Variants in XKR6 observed in about 807,000 individuals in gnomAD.
XKR6 encodes the protein XK-related protein 6.
In XKR6, 22 loss-of-function variants were observed where a neutral mutation model predicts 56.7. That is an observed-to-expected ratio of 0.39 (90% confidence interval 0.28 to 0.55). The LOEUF (loss-of-function observed/expected upper bound fraction) is 0.55, where lower values mean the gene tolerates loss of function less well. Ranked by LOEUF, XKR6 falls within the 20% of genes least tolerant of loss-of-function variation. The pLI is 0.66. For missense variants in XKR6, 852 were observed against 889.0 expected, an observed-to-expected ratio of 0.96 and a Z score of 0.53; for synonymous variants, 524 against 387.8, an observed-to-expected ratio of 1.35 and a Z score of -4.13.
intron 1 of XKR6, among the ~76,000 whole-genome samples, chr8:10,965,324 G>A (rs182176284): frequency 2.0e-5 from 3 of 152,304 alleles, no homozygotes; most frequent in Admixed American, 1.3e-4. Flanking sequence ...ACAGAGATGC[G>A]GGAGCAACGG....
In XKR6 at chr8:11,110,761, G is replaced by A. The variant is rs183976484; in HGVS notation, c.764+89815C>T. ...CAAATTCTCATTCATTCCAATGGTC[G>A]AGAACACATTAGTCTACATTCTGAA... On this transcript the variant is annotated intron_variant, in intron 1 of 2. Transcript: ENST00000416569. 3.2e-3 allele frequency among the ~76,000 whole-genome samples: 483 copies of A among 152,122 alleles called. 5 individuals are homozygous for A. The highest frequency in any genetic ancestry group is 0.011 in the African/African-American group (469 of 41,522).
chr8:11,146,357 G>A (rs1296454964), intron 1 of XKR6, among the ~76,000 whole-genome samples: 1 of 152,156 alleles, frequency 6.6e-6, no homozygotes, highest in Non-Finnish European at 1.5e-5. Context: ...TAAGTGTGGT[G>A]GCTCATGCCT....
intron 1 of XKR6, among the ~76,000 whole-genome samples, chr8:11,152,125 C>G (rs890570115): frequency 6.6e-6 from 1 of 152,108 alleles, no homozygotes; most frequent in Admixed American, 6.5e-5. Context: ...AAATAAGAAT[C>G]TTAAGAAAAT....
intron 1 of XKR6, chr8:11,195,135 G>C: frequency 1.4e-6 from 1 of 703,230 alleles, no homozygotes; most frequent in South Asian, 1.5e-5. Flanking sequence ...GATGGGAGGA[G>C]GGAGAAGGGA....
chr8:10,979,523 GA>G (rs1442508409), intron 1 of XKR6, among the ~76,000 whole-genome samples: 1 of 152,086 alleles, frequency 6.6e-6, no homozygotes, highest in Admixed American at 6.5e-5. Flanking sequence ...TGGTCCTTTA[GA>G]AAGACCCCCG....
At chr8:11,156,888 G>C (rs868176049) in intron 1 of XKR6, among the ~76,000 whole-genome samples, 2 of 152,006 alleles carry the variant, frequency 1.3e-5, no homozygotes, top group African/African-American at 4.8e-5. Flanking sequence ...GCTACACTTA[G>C]GAACTTGCTT....
At chr8:11,080,292 C>A (rs185856744) in intron 1 of XKR6, among the ~76,000 whole-genome samples, 3 of 152,110 alleles carry the variant, frequency 2.0e-5, no homozygotes, top group African/African-American at 7.2e-5. Flanking sequence ...TCTTCTCACA[C>A]AATTTGTCCA....
At chr8:11,074,114 G>C (rs560565663) in intron 1 of XKR6, among the ~76,000 whole-genome samples, 4 of 152,266 alleles carry the variant, frequency 2.6e-5, no homozygotes, top group Non-Finnish European at 5.9e-5. Flanking sequence ...GATCTTCAAA[G>C]ACGCAGCTTT....
At position 10,898,020 on chromosome 8, in the gene XKR6, C is replaced by T. The variant is rs578022670; in HGVS notation, c.1858G>A (p.Ala620Thr). 34 of 1,613,650 alleles carry T rather than the reference C, an allele frequency of 2.1e-5. No individual in the cohort carries two copies. Among genetic ancestry groups the T allele is most frequent in the Middle Eastern group, 3.3e-4 (2 of 6,060 alleles). The change falls in exon 3 of 3, where the codon GCA (alanine) becomes ACA (threonine). Residue 620 changes from alanine (A) to threonine (T), a missense_variant. Ala to Thr is a moderately conservative substitution (Grantham distance 58). This residue lies in a region of XKR6 where 39 missense variants were observed against 62.5 expected (regional missense o/e 0.62). Transcript: ENST00000416569. The surrounding 1 kb of genome is among the most constrained non-coding windows in gnomAD (Gnocchi z 6.6). The part of the protein sequence containing the change: ...INILQYVTPT[A>T]VGIRYRDGPL... ...CCGTCTCGATATCGAATGCCTACTG[C>T]GGTGGGGGTGACATATTGTAGAATG... is the stretch of plus-strand genomic sequence containing the variant.
chr8:11,062,746 A>T, intron 1 of XKR6: 1 of 456,296 alleles, frequency 2.2e-6, no homozygotes, highest in Non-Finnish European at 4.4e-6. Flanking sequence ...TGACATAAAC[A>T]GCTACGTACT....
At chr8:10,964,766 C>G (rs565648884) in intron 1 of XKR6, among the ~76,000 whole-genome samples, 2 of 152,338 alleles carry the variant, frequency 1.3e-5, no homozygotes, top group East Asian at 3.9e-4. Context: ...GCAGCTGCAG[C>G]TGGGCCCACT....
intron 1 of XKR6, among the ~76,000 whole-genome samples, chr8:11,016,422 G>A (rs1415452908): frequency 6.6e-6 from 1 of 152,172 alleles, no homozygotes; most frequent in East Asian, 1.9e-4. Flanking sequence ...CGGACGCAGC[G>A]GGAGTAGCGC....
At chr8:11,043,165 T>C (rs112462031) in intron 1 of XKR6, among the ~76,000 whole-genome samples, 1,620 of 152,134 alleles carry the variant, frequency 0.011, 16 homozygotes, top group African/African-American at 0.037. Context: ...ATATAAAATA[T>C]TAACTTAATT....
At chr8:11,016,256 C>A (rs187766419) in intron 1 of XKR6, among the ~76,000 whole-genome samples, 14 of 152,314 alleles carry the variant, frequency 9.2e-5, no homozygotes, top group African/African-American at 2.9e-4. Flanking sequence ...TGGCCGGGGG[C>A]CTCTGCGTCC....
chr8:10,962,806 A>G (rs1319813176), intron 1 of XKR6, among the ~76,000 whole-genome samples: 2 of 151,998 alleles, frequency 1.3e-5, no homozygotes, highest in African/African-American at 4.8e-5. Context: ...TATTTTTAGT[A>G]GAGATGGGGT....
chr8:10,908,912 C>T (rs1034358976), intron 2 of XKR6, among the ~76,000 whole-genome samples: 2 of 152,158 alleles, frequency 1.3e-5, no homozygotes, highest in Admixed American at 6.5e-5. Context: ...CGCCTGTAAT[C>T]CCAGAACTTT....
At chr8:10,977,511 G>A (rs1216612695) in intron 1 of XKR6, among the ~76,000 whole-genome samples, 1 of 151,542 alleles carries the variant, frequency 6.6e-6, no homozygotes, top group African/African-American at 2.4e-5. Flanking sequence ...AACCCTGGAT[G>A]CAACCCAAAA....
In XKR6 at chr8:10,932,285, A is replaced by C. The variant is rs970231770; in HGVS notation, c.765-7455T>G. Among the ~76,000 whole-genome samples, 3 of 152,232 alleles carry C rather than the reference A, an allele frequency of 2.0e-5. No individual in the cohort carries two copies. The East Asian group carries it at 5.8e-4, about 29-fold the overall frequency. The stretch of plus-strand genomic sequence containing the variant: ...AATGCAAATGCTTCTGACACTCTGG[A>C]AAACAGTGGACAGTCTCTCATAAAG... On this transcript the variant is annotated intron_variant, in intron 1 of 2. Transcript: ENST00000416569.
intron 1 of XKR6, among the ~76,000 whole-genome samples, chr8:11,065,254 C>G (rs1799945475): frequency 6.6e-6 from 1 of 152,170 alleles, no homozygotes; most frequent in Non-Finnish European, 1.5e-5. Flanking sequence ...TTTTTCTAAC[C>G]ACAGTTACAA....
Sources: allele counts gnomAD v4.1 joint callset (sites outside exome capture counted in the v4.1 genomes callset), GRCh38; gene constraint gnomAD v4.1.1; regional missense constraint gnomAD v4.1.1; non-coding constraint Gnocchi (gnomAD v3.1); transcripts MANE v1.5; gene names NCBI Gene and HGNC (gene_info 2026-07-23, HGNC 2026-07-21).